Variants in TTC29 observed in about 807,000 individuals in gnomAD.
TTC29 encodes the protein tetratricopeptide repeat protein 29.
TTC29 carries 49 observed loss-of-function variants against 58.1 expected under a neutral mutation model. That is an observed-to-expected ratio of 0.84 (90% CI 0.67 to 1.07). The LOEUF (loss-of-function observed/expected upper bound fraction) is 1.07. Ranked by LOEUF, TTC29 falls within the 50% of genes least tolerant of loss-of-function variation. TTC29 has a pLI of 0.00. For missense variants in TTC29, 582 were observed against 555.6 expected (o/e 1.05, Z -0.48); for synonymous variants, 209 against 196.8 (o/e 1.06, Z -0.52).
chr4:146,872,095 C>T (rs2150217832), intron 7 of TTC29, among the ~76,000 whole-genome samples: 1 of 152,096 alleles, frequency 6.6e-6, no homozygotes, highest in South Asian at 2.1e-4. Flanking sequence ...ACACAATCTC[C>T]ACATTTATGG....
intron 9 of TTC29, among the ~76,000 whole-genome samples, chr4:146,826,938 T>G (rs1485795233): frequency 6.6e-6 from 1 of 151,922 alleles, no homozygotes; most frequent in African/African-American, 2.4e-5. Context: ...ATGCTGTGTT[T>G]TTCAGCTCCA....
chr4:146,920,884 T>C lies in TTC29; in HGVS notation c.177-11635A>G, dbSNP rs118100553. 5.9e-4 allele frequency among the ~76,000 whole-genome samples: 89 copies of C among 151,376 alleles called. 4 individuals carry two copies. In the East Asian group the frequency reaches 0.017, roughly 29 times the overall value. On this transcript the variant is annotated intron_variant, in intron 4 of 12. Coordinates refer to ENST00000325106, the MANE Select transcript of TTC29 (RefSeq NM_031956.4). ...AGAGAAATGTCAAGTTCTGACTACT[T>C]AAGAGCAGCAGTTGATCTCATTTCT...
chr4:146,723,607 G>A lies in TTC29; in HGVS notation c.1331-16056C>T, dbSNP rs192491976. The stretch of plus-strand genomic sequence containing the variant: ...CACTTCTCAAAAGAAATCATACAAA[G>A]AGCCAACAAACGTATGAGAAAGTGC... On this transcript the variant is annotated intron_variant, in intron 11 of 12. Coordinates refer to ENST00000325106, the MANE Select transcript of TTC29 (RefSeq NM_031956.4). Among the ~76,000 whole-genome samples, 365 of 152,196 alleles carry A rather than the reference G, an allele frequency of 2.4e-3. 4 individuals are homozygous for A. Among genetic ancestry groups the A allele is most frequent in the African/African-American group, 8.3e-3 (346 of 41,534 alleles).
At chr4:146,739,378 C>T (rs1037797639) in intron 11 of TTC29, among the ~76,000 whole-genome samples, 6 of 152,160 alleles carry the variant, frequency 3.9e-5, no homozygotes, top group African/African-American at 1.2e-4. Flanking sequence ...TGTACGTGAT[C>T]TTTCTCTCTT....
At chr4:146,917,537 C>T (rs1036195339) in intron 4 of TTC29, among the ~76,000 whole-genome samples, 46 of 99,564 alleles carry the variant, frequency 4.6e-4, no homozygotes, top group African/African-American at 1.4e-3. Flanking sequence ...TTATATATTG[C>T]TGTAAAATTT....
intron 6 of TTC29, among the ~76,000 whole-genome samples, chr4:146,900,586 A>AT (rs942673684): frequency 3.9e-5 from 6 of 152,312 alleles, no homozygotes; most frequent in African/African-American, 1.2e-4. Context: ...TAGGCAGAGT[A>AT]TTTTTTGAAC....
At chr4:146,921,565 T>A (rs2150304465) in intron 4 of TTC29, among the ~76,000 whole-genome samples, 1 of 150,458 alleles carries the variant, frequency 6.6e-6, no homozygotes, top group African/African-American at 2.4e-5. Context: ...CAGAAAAAAA[T>A]TAAAGGAGCA....
intron 11 of TTC29, among the ~76,000 whole-genome samples, chr4:146,799,815 C>T (rs943989795): frequency 3.9e-5 from 6 of 152,130 alleles, no homozygotes; most frequent in African/African-American, 1.4e-4. Context: ...GTTGACACTG[C>T]TATTAAGTTG....
At chr4:146,766,326 C>T (rs922980716) in intron 11 of TTC29, among the ~76,000 whole-genome samples, 4 of 151,972 alleles carry the variant, frequency 2.6e-5, no homozygotes, top group Non-Finnish European at 4.4e-5. Flanking sequence ...TTGGCAAGTA[C>T]CACAGAACAA....
chr4:146,747,615 T>A (rs1422736529), intron 11 of TTC29, among the ~76,000 whole-genome samples: 1 of 152,194 alleles, frequency 6.6e-6, no homozygotes, highest in African/African-American at 2.4e-5. Context: ...TTCTGCACGC[T>A]GGAGCAGTTG....
intron 4 of TTC29, among the ~76,000 whole-genome samples, chr4:146,919,615 T>C (rs1734453560): frequency 6.6e-6 from 1 of 151,186 alleles, no homozygotes; most frequent in Admixed American, 6.6e-5. Flanking sequence ...CTCTGTTGTG[T>C]TCTTCTTTTT....
Position 146,789,102 on chromosome 4 carries a change from C to T in TTC29, c.1330+14355G>A, listed in dbSNP as rs186450166. The stretch of plus-strand genomic sequence containing the variant: ...TAAGAAATGTTATCCTTTAAAAATA[C>T]ACTTTGTTGAGGTATGATTGACATG... On this transcript the variant is annotated intron_variant, in intron 11 of 12. Coordinates refer to ENST00000325106, the MANE Select transcript of TTC29 (RefSeq NM_031956.4). Among the ~76,000 whole-genome samples, 368 of 152,168 alleles carry T rather than the reference C, an allele frequency of 2.4e-3. 1 individual carries two copies. Among genetic ancestry groups the T allele is most frequent in the African/African-American group, 8.6e-3 (356 of 41,496 alleles).
chr4:146,821,166 A>G (rs955073612), intron 9 of TTC29, among the ~76,000 whole-genome samples: 2 of 152,210 alleles, frequency 1.3e-5, no homozygotes, highest in Non-Finnish European at 2.9e-5. Flanking sequence ...TGGCAAATCC[A>G]TGAGATGGAA....
At chr4:146,930,703 G>A (rs1735274453) in intron 4 of TTC29, among the ~76,000 whole-genome samples, 1 of 152,158 alleles carries the variant, frequency 6.6e-6, no homozygotes, top group Admixed American at 6.5e-5. Flanking sequence ...ACAGAAAGAA[G>A]ACACTATCAA....
intron 4 of TTC29, among the ~76,000 whole-genome samples, chr4:146,912,847 A>G (rs1733983495): frequency 6.6e-6 from 1 of 152,116 alleles, no homozygotes; most frequent in Non-Finnish European, 1.5e-5. Flanking sequence ...ATTTCAAAAC[A>G]TTTTAAGGAG....
intron 4 of TTC29, among the ~76,000 whole-genome samples, chr4:146,913,181 C>T (rs938211613): frequency 3.9e-5 from 6 of 152,012 alleles, no homozygotes; most frequent in Non-Finnish European, 7.4e-5. Flanking sequence ...GGCGGCCAGC[C>T]GATCTTCCTA....
chr4:146,902,545 TAC>T (rs1267056355), intron 6 of TTC29, among the ~76,000 whole-genome samples: 2 of 152,220 alleles, frequency 1.3e-5, no homozygotes, highest in Admixed American at 1.3e-4. Flanking sequence ...TGCTTTAGTG[TAC>T]ACTGTTCCCT....
intron 9 of TTC29, among the ~76,000 whole-genome samples, chr4:146,828,073 CT>C (rs1425930215): frequency 6.6e-6 from 1 of 151,136 alleles, no homozygotes; most frequent in Non-Finnish European, 1.5e-5. Flanking sequence ...TTTTATGTTA[CT>C]GCAGCTGTGA....
intron 9 of TTC29, among the ~76,000 whole-genome samples, chr4:146,827,058 C>T (rs1727852836): frequency 6.6e-6 from 1 of 152,026 alleles, no homozygotes; most frequent in African/African-American, 2.4e-5. Flanking sequence ...GCTCCTTTAG[C>T]TCATCGTAGT....
Sources: gnomAD v4.1 joint callset for allele counts (sites outside exome capture counted in the v4.1 genomes callset) on GRCh38, gnomAD v4.1.1 for gene constraint, MANE v1.5 for transcripts, NCBI Gene and HGNC (gene_info 2026-07-23, HGNC 2026-07-21) for gene names.